The following PDLIM5 variants were observed in gnomAD, a reference collection of about 807,000 sequenced individuals.
PDLIM5 encodes the protein PDZ and LIM domain 5, also known as PDZ and LIM domain protein 5.
PDLIM5 carries 34 observed loss-of-function variants against 64.2 expected under a neutral mutation model. That is an observed-to-expected ratio of 0.53 (90% confidence interval 0.40 to 0.71). PDLIM5 has a LOEUF of 0.71. PDLIM5 is among the 30% of genes least tolerant of loss of function. PDLIM5 has a pLI of 0.00. For synonymous variants in PDLIM5, 253 were observed against 269.1 expected, an observed-to-expected ratio of 0.94 and a Z score of 0.59; for missense variants, 683 against 733.6, an observed-to-expected ratio of 0.93 and a Z score of 0.80.
At chr4:94,536,460 A>G (rs1306620299) in intron 3 of PDLIM5, among the ~76,000 whole-genome samples, 1 of 152,250 alleles carries the variant, frequency 6.6e-6, no homozygotes, top group Non-Finnish European at 1.5e-5. Context: ...TAGCTGAATA[A>G]AATGTGGCAT....
At chr4:94,536,525 A>G (rs890134896) in intron 3 of PDLIM5, among the ~76,000 whole-genome samples, 20 of 152,182 alleles carry the variant, frequency 1.3e-4, no homozygotes, top group African/African-American at 4.1e-4. Flanking sequence ...AGCAGAAACA[A>G]TATGTATTTA....
At chr4:94,560,221 A>G (rs1466318989) in intron 3 of PDLIM5, among the ~76,000 whole-genome samples, 1 of 152,148 alleles carries the variant, frequency 6.6e-6, no homozygotes, top group East Asian at 1.9e-4. Context: ...TTGGTGATTG[A>G]ACATGTAACT....
chr4:94,577,515 T>G lies in PDLIM5; in HGVS notation c.710+1481T>G, dbSNP rs898649145. On this transcript the variant is annotated intron_variant, in intron 5 of 12. Transcript: ENST00000317968. ...AAAACTAGTATCCTTCAAAAAAGAA[T>G]GTTATTGTTTCTTTCATGTGAGGAA... The G allele has an allele frequency of 2.7e-5, 9 of 336,200 alleles. No individual in the cohort carries two copies. In the Admixed American group the frequency reaches 2.8e-4, roughly 11 times the overall value. The allele number at this position is 336,200 out of a possible 1,614,324, so 20.8% of individuals were successfully genotyped here.
intron 2 of PDLIM5, among the ~76,000 whole-genome samples, chr4:94,510,151 A>G (rs1231972691): frequency 6.6e-6 from 1 of 152,216 alleles, no homozygotes; most frequent in Non-Finnish European, 1.5e-5. Flanking sequence ...TGTTCTTTAG[A>G]TGAATTCTTT....
intron 5 of PDLIM5, chr4:94,582,932 T>G (rs1291569698): frequency 9.7e-6 from 5 of 517,536 alleles, no homozygotes; most frequent in Non-Finnish European, 1.4e-5. Context: ...CCCACACTTC[T>G]GTAATGAAAA....
intron 7 of PDLIM5, among the ~76,000 whole-genome samples, chr4:94,608,899 T>C (rs1738139308): frequency 6.6e-6 from 1 of 152,310 alleles, no homozygotes; most frequent in East Asian, 1.9e-4. Flanking sequence ...CCTGACGTTT[T>C]CTTTTCTAAC....
chr4:94,494,542 C>T (rs1156921893), intron 2 of PDLIM5, among the ~76,000 whole-genome samples: 1 of 147,796 alleles, frequency 6.8e-6, no homozygotes, highest in African/African-American at 2.5e-5. Flanking sequence ...TGAGTTCAAG[C>T]GATTCTCCTG....
In PDLIM5 at chr4:94,574,430, G is replaced by A. The variant is rs535810696; in HGVS notation, c.291+1037G>A. On this transcript the variant is annotated intron_variant, in intron 4 of 12. Coordinates refer to ENST00000317968, the MANE Select transcript of PDLIM5 (RefSeq NM_006457.5). ...GGAGAATCACTTGAACCCGGGAAGT[G>A]GAGGTTACAGTGAGCTGAGATCACA... Among the ~76,000 whole-genome samples the A allele has an allele frequency of 2.7e-5, 4 of 150,310 alleles. No homozygotes were observed. In the East Asian group the frequency reaches 5.9e-4, roughly 22 times the overall value.
At chr4:94,608,169 C>T in intron 7 of PDLIM5, 1 of 1,529,674 alleles carries the variant, frequency 6.5e-7, no homozygotes, top group Non-Finnish European at 8.8e-7. Context: ...GTAGCAACTA[C>T]TTATTCTAGG....
chr4:94,526,908 T>C lies in PDLIM5; in HGVS notation c.248+3033T>C, dbSNP rs1228999527. On this transcript the variant is annotated intron_variant, in intron 3 of 12. Coordinates refer to ENST00000317968, the MANE Select transcript of PDLIM5 (RefSeq NM_006457.5). ...TCACCATTCCTGGCTGATTTTTTTG[T>C]ATTTTCAGTAGAGATGGAGTTTCGT... Among the ~76,000 whole-genome samples, 6 of 151,828 alleles carry C rather than the reference T, an allele frequency of 4.0e-5. No individual in the cohort carries two copies. In the East Asian group the frequency reaches 9.7e-4, roughly 25 times the overall value.
chr4:94,627,763 TGAATAA>T (rs1399838288), intron 8 of PDLIM5, among the ~76,000 whole-genome samples: 3 of 152,224 alleles, frequency 2.0e-5, no homozygotes, highest in African/African-American at 4.8e-5. Flanking sequence ...TTCAAACGCA[TGAATAA>T]GAATAACAAT....
intron 7 of PDLIM5, among the ~76,000 whole-genome samples, chr4:94,617,004 G>A (rs148030142): frequency 3.3e-3 from 509 of 152,282 alleles, no homozygotes; most frequent in African/African-American, 0.012. Flanking sequence ...AATGAGTCTC[G>A]AACTCCTGAC....
chr4:94,629,217 C>T (rs1263309380), intron 8 of PDLIM5, among the ~76,000 whole-genome samples: 1 of 151,898 alleles, frequency 6.6e-6, no homozygotes, highest in African/African-American at 2.4e-5. Flanking sequence ...GGCGTGGTGG[C>T]GTGTGCCTGT....
intron 2 of PDLIM5, among the ~76,000 whole-genome samples, chr4:94,501,157 C>T (rs1378764715): frequency 1.3e-5 from 2 of 151,646 alleles, no homozygotes; most frequent in South Asian, 2.1e-4. Flanking sequence ...ACTGCAGCCT[C>T]GACCTCCCAG....
At chr4:94,545,281 G>A (rs1174322007) in intron 3 of PDLIM5, among the ~76,000 whole-genome samples, 1 of 152,168 alleles carries the variant, frequency 6.6e-6, no homozygotes, top group African/African-American at 2.4e-5. Context: ...GATGGAGCCT[G>A]CTCCTTTAAA....
intron 3 of PDLIM5, among the ~76,000 whole-genome samples, chr4:94,565,819 ACTT>A (rs2110255187): frequency 1.3e-5 from 2 of 152,320 alleles, no homozygotes; most frequent in South Asian, 4.1e-4. Flanking sequence ...TTTGTGAAGA[ACTT>A]AATCTCTTAT....
chr4:94,615,853 C>T (rs1738744139), intron 7 of PDLIM5, among the ~76,000 whole-genome samples: 2 of 152,148 alleles, frequency 1.3e-5, no homozygotes, highest in Admixed American at 6.6e-5. Context: ...TGAAATTAGG[C>T]AAACAATGTA....
intron 7 of PDLIM5, among the ~76,000 whole-genome samples, chr4:94,603,533 A>G (rs1408563932): frequency 6.6e-6 from 1 of 152,138 alleles, no homozygotes; most frequent in Non-Finnish European, 1.5e-5. Context: ...AATGACTCAG[A>G]CAAGTCCAGC....
At chr4:94,509,437 G>A (rs905511133) in intron 2 of PDLIM5, among the ~76,000 whole-genome samples, 15 of 152,116 alleles carry the variant, frequency 9.9e-5, no homozygotes, top group African/African-American at 3.1e-4. Context: ...TAAGTTGCAT[G>A]AATGCAAGGA....
Sources: gnomAD v4.1 joint callset for allele counts (sites outside exome capture counted in the v4.1 genomes callset) on GRCh38, gnomAD v4.1.1 for gene constraint, MANE v1.5 for transcripts, NCBI Gene and HGNC (gene_info 2026-07-23, HGNC 2026-07-21) for gene names.